ANKRD31: variants seen among roughly 807,000 people sequenced by gnomAD.
The protein encoded by ANKRD31 is ankyrin repeat domain-containing protein 31.
Under a neutral mutation model 186.0 loss-of-function variants are expected in ANKRD31, and 147 were observed. The observed-to-expected ratio is 0.79, with a 90% confidence interval of 0.69 to 0.91. The LOEUF is 0.91. Among genes scored for constraint, ANKRD31 ranks in the 40% least tolerant of loss-of-function variants. The pLI is 0.00. For missense variants in ANKRD31, 1,986 were observed against 2,148.8 expected, an observed-to-expected ratio of 0.92 and a Z score of 1.50; for synonymous variants, 673 against 736.4, an observed-to-expected ratio of 0.91 and a Z score of 1.39.
chr5:75,122,384 C>CA (rs924697603), intron 17 of ANKRD31, among the ~76,000 whole-genome samples: 16 of 149,388 alleles, frequency 1.1e-4, no homozygotes, highest in Admixed American at 2.7e-4. Flanking sequence ...GAAACTGTTC[C>CA]AAAAAAAAAC....
At chr5:75,160,239 G>A (rs1409271986) in intron 11 of ANKRD31, among the ~76,000 whole-genome samples, 2 of 151,930 alleles carry the variant, frequency 1.3e-5, no homozygotes, top group Non-Finnish European at 2.9e-5. Context: ...CGGAAACAAT[G>A]TTTCTATATC....
intron 17 of ANKRD31, among the ~76,000 whole-genome samples, chr5:75,132,423 G>A (rs911836318): frequency 6.6e-6 from 1 of 152,194 alleles, no homozygotes; most frequent in Admixed American, 6.5e-5. Context: ...ATCAGTGATT[G>A]AAGATCAAAT....
intron 17 of ANKRD31, among the ~76,000 whole-genome samples, chr5:75,128,869 A>G (rs1293910433): frequency 6.6e-6 from 1 of 152,004 alleles, no homozygotes. Context: ...CAGGTTCATC[A>G]CTTTAATAAT....
intron 22 of ANKRD31, 56 bp downstream of exon 22, chr5:75,104,172 A>G (rs1747136694): frequency 7.4e-7 from 1 of 1,356,010 alleles, no homozygotes; most frequent in Non-Finnish European, 9.8e-7. Flanking sequence ...TGACAGCAAC[A>G]TTTACTCACT....
intron 10 of ANKRD31, among the ~76,000 whole-genome samples, chr5:75,173,915 A>C (rs1056348613): frequency 7.2e-5 from 11 of 152,130 alleles, no homozygotes; most frequent in Non-Finnish European, 1.2e-4. Flanking sequence ...TAGCCTGCAT[A>C]GCCAAGACAA....
chr5:75,092,716 G>C (rs906810070), intron 22 of ANKRD31, among the ~76,000 whole-genome samples: 1 of 152,112 alleles, frequency 6.6e-6, no homozygotes, highest in Non-Finnish European at 1.5e-5. Context: ...AAACAGCAAA[G>C]TATGACACAC....
intron 6 of ANKRD31, among the ~76,000 whole-genome samples, chr5:75,197,454 T>C (rs1475784260): frequency 6.6e-6 from 1 of 152,210 alleles, no homozygotes; most frequent in Non-Finnish European, 1.5e-5. Flanking sequence ...TCTAATCTGG[T>C]ATGAGTGAGA....
Position 75,195,659 on chromosome 5 carries a change from G to A in ANKRD31, c.989C>T (p.Thr330Ile). 1 of 1,534,466 alleles carries A rather than the reference G, an allele frequency of 6.5e-7. No homozygotes were observed. The change falls in exon 7 of 26, where the codon ACC becomes ATC. Residue 330 changes from threonine (T) to isoleucine (I), a missense_variant. Transcript: ENST00000506364. ...TGCTATTTGTGTACAATCTTCATTG[G>A]TCTGAGACGTATTGAACTCCACTTC... is the stretch of plus-strand genomic sequence containing the variant. ...CLEVEFNTSQ[T>I]NEDCTQIAET... is the part of the protein sequence containing the mutation.
chr5:75,195,757 T>C lies in ANKRD31; in HGVS notation c.891A>G (p.Ser297=), dbSNP rs1580534854. ...GACAGATGGTTTCCACCTTGGCTTC[T>C]GACAATGTGTTCAGGGCTTCCAATA... ...AELLEALNTL[S]EAKVETICHR... is the part of the protein sequence containing the mutation. Residue 297 remains serine, a synonymous_variant, in exon 7 of 26, where the codon TCA becomes TCG. Transcript: ENST00000506364. 6.5e-7 allele frequency: 1 copy of C among 1,537,576 alleles called. No individual in the cohort carries two copies. Among genetic ancestry groups the C allele is most frequent in the Non-Finnish European group, 8.7e-7 (1 of 1,146,934 alleles).
intron 8 of ANKRD31, 43 bp from the exon 9 acceptor site, chr5:75,192,819 G>T: frequency 7.3e-7 from 1 of 1,373,226 alleles, no homozygotes; most frequent in Admixed American, 2.2e-5. Flanking sequence ...AACGGTTTTT[G>T]CAAACATTCA....
intron 2 of ANKRD31, among the ~76,000 whole-genome samples, chr5:75,223,715 A>G (rs545817950): frequency 1.3e-5 from 2 of 152,208 alleles, no homozygotes; most frequent in Non-Finnish European, 2.9e-5. Flanking sequence ...CGCCCCAGCC[A>G]AATTCATATG....
intron 10 of ANKRD31, among the ~76,000 whole-genome samples, chr5:75,181,566 G>A (rs1166342161): frequency 3.9e-5 from 6 of 152,036 alleles, no homozygotes; most frequent in Admixed American, 3.9e-4. Flanking sequence ...TAAAAATGAT[G>A]AGTTCATGTC....
chr5:75,228,211 T>C (rs1380759261), intron 2 of ANKRD31, among the ~76,000 whole-genome samples: 1 of 152,210 alleles, frequency 6.6e-6, no homozygotes, highest in Non-Finnish European at 1.5e-5. Flanking sequence ...CTTTCTCCAT[T>C]AGTAGCATGC....
In ANKRD31 at chr5:75,169,137, A is replaced by G; in HGVS notation, c.1565-16T>C. The G allele has an allele frequency of 6.5e-7, 1 of 1,529,848 alleles. No homozygotes were observed. Among genetic ancestry groups the G allele is most frequent in the Non-Finnish European group, 8.8e-7 (1 of 1,141,270 alleles). The allele number at this position is 1,529,848 out of a possible 1,614,324, so 94.8% of individuals were successfully genotyped here. On this transcript the variant is annotated splice_polypyrimidine_tract_variant and intron_variant, in intron 10 of 25. Transcript: ENST00000506364. Reference sequence around the variant, plus strand: ...GCTGTCCAACCTATCATACAAAAAGATACGGCATTTGTTTACATTTGGCAT... The same window carrying G: ...GCTGTCCAACCTATCATACAAAAAGGTACGGCATTTGTTTACATTTGGCAT...
chr5:75,088,048 T>C (rs1745636030), intron 23 of ANKRD31, among the ~76,000 whole-genome samples: 1 of 152,232 alleles, frequency 6.6e-6, no homozygotes, highest in African/African-American at 2.4e-5. Flanking sequence ...TTCTTTCTGT[T>C]CTAAAATGTA....
At chr5:75,158,875 C>T (rs988308264) in intron 11 of ANKRD31, among the ~76,000 whole-genome samples, 1 of 151,984 alleles carries the variant, frequency 6.6e-6, no homozygotes, top group African/African-American at 2.4e-5. Flanking sequence ...GGATAAAAAG[C>T]AGCCACAGGA....
intron 6 of ANKRD31, among the ~76,000 whole-genome samples, chr5:75,198,755 G>C (rs1439429695): frequency 6.6e-6 from 1 of 152,166 alleles, no homozygotes; most frequent in South Asian, 2.1e-4. Context: ...TGAAAGAATG[G>C]AGGAACACAC....
chr5:75,209,094 G>A (rs1219911377), intron 4 of ANKRD31, among the ~76,000 whole-genome samples: 1 of 152,010 alleles, frequency 6.6e-6, no homozygotes. Flanking sequence ...TCCTAAAAGG[G>A]AAATGTAGGA....
At chr5:75,150,860 T>C (rs1751793206) in intron 12 of ANKRD31, among the ~76,000 whole-genome samples, 1 of 152,032 alleles carries the variant, frequency 6.6e-6, no homozygotes, top group Non-Finnish European at 1.5e-5. Flanking sequence ...ATTTTCCATA[T>C]AGTTTAAAAT....
Sources: gnomAD v4.1 joint callset for allele counts (sites outside exome capture counted in the v4.1 genomes callset) on GRCh38, gnomAD v4.1.1 for gene constraint, MANE v1.5 for transcripts, NCBI Gene and HGNC (gene_info 2026-07-23, HGNC 2026-07-21) for gene names.